Variants in DNAH11 observed in about 807,000 individuals in gnomAD.
DNAH11 encodes axonemal beta dynein heavy chain 11.
In DNAH11, 442 loss-of-function variants were observed where a neutral mutation model predicts 526.0. That is an observed-to-expected ratio of 0.84 (90% CI 0.78 to 0.91). The LOEUF (loss-of-function observed/expected upper bound fraction) is 0.91. DNAH11 is among the 40% of genes least tolerant of loss of function. The pLI is 0.00. For synonymous variants in DNAH11, 2,461 were observed against 1,935.9 expected (o/e 1.27, Z -7.12); for missense variants, 6,989 against 5,448.7 (o/e 1.28, Z -8.90).
At chr7:21,801,035 G>A in intron 61 of DNAH11, 102 bp from the exon 62 acceptor site, 1 of 1,210,444 alleles carries the variant, frequency 8.3e-7, no homozygotes, top group Non-Finnish European at 1.2e-6. Context: ...ATGGGGGGAA[G>A]AGGTTTGTCC....
At position 21,733,267 on chromosome 7, in the gene DNAH11, A is replaced by C. The variant is rs199521042; in HGVS notation, c.7441-2373A>C. On this transcript the variant is annotated intron_variant, in intron 45 of 81. Transcript: ENST00000409508. ...GCTGGGTATGGTGGCAGGCGCCTGTAATTTCAGCTACTTGGGAGGCTGAAG... is the reference window on the plus strand; with the variant it reads ...GCTGGGTATGGTGGCAGGCGCCTGTCATTTCAGCTACTTGGGAGGCTGAAG... Among the ~76,000 whole-genome samples, 4 of 152,326 alleles carry C rather than the reference A, an allele frequency of 2.6e-5. No homozygotes were observed. The East Asian group carries it at 7.7e-4, about 29-fold the overall frequency.
chr7:21,779,141 A>G (rs751528807), intron 57 of DNAH11, 37 bp downstream of exon 57: 12 of 1,582,072 alleles, frequency 7.6e-6, no homozygotes, highest in Admixed American at 3.4e-5. Flanking sequence ...GCGGAGCTAT[A>G]TTTAGCACAA....
intron 44 of DNAH11, among the ~76,000 whole-genome samples, chr7:21,721,216 C>T (rs1031443535): frequency 6.6e-6 from 1 of 152,198 alleles, no homozygotes; most frequent in Non-Finnish European, 1.5e-5. Flanking sequence ...GCTCTTCCTT[C>T]TTTTCTTTTG....
chr7:21,558,112 T>C (rs1234948590), intron 2 of DNAH11, among the ~76,000 whole-genome samples: 6 of 152,180 alleles, frequency 3.9e-5, no homozygotes, highest in African/African-American at 1.2e-4. Context: ...AAAATGTTTA[T>C]AAACTGGACA....
intron 57 of DNAH11, among the ~76,000 whole-genome samples, chr7:21,783,464 G>A (rs1183483702): frequency 3.3e-5 from 5 of 152,084 alleles, no homozygotes; most frequent in Non-Finnish European, 7.4e-5. Flanking sequence ...ATATACTTTT[G>A]TTCACACTTT....
chr7:21,632,341 G>A (rs1000523510), intron 25 of DNAH11, among the ~76,000 whole-genome samples: 2 of 152,228 alleles, frequency 1.3e-5, no homozygotes, highest in Admixed American at 1.3e-4. Context: ...TCAGCTCCTG[G>A]TTACTTTTGC....
At chr7:21,635,472 A>C (rs547527902) in intron 25 of DNAH11, among the ~76,000 whole-genome samples, 6 of 152,076 alleles carry the variant, frequency 3.9e-5, no homozygotes, top group African/African-American at 1.4e-4. Flanking sequence ...TTTAAGATTA[A>C]TAAACACATA....
At chr7:21,801,630 T>C (rs1466577801) in intron 62 of DNAH11, among the ~76,000 whole-genome samples, 1 of 152,222 alleles carries the variant, frequency 6.6e-6, no homozygotes, top group Non-Finnish European at 1.5e-5. Flanking sequence ...CCTTTCTTTC[T>C]TACCACATTG....
At chr7:21,834,816 G>A (rs1180743199) in intron 65 of DNAH11, among the ~76,000 whole-genome samples, 1 of 152,108 alleles carries the variant, frequency 6.6e-6, no homozygotes, top group East Asian at 1.9e-4. Context: ...CTGCATACCA[G>A]TCTAGCACTC....
At chr7:21,640,579 C>T (rs1787082580) in intron 28 of DNAH11, among the ~76,000 whole-genome samples, 1 of 151,904 alleles carries the variant, frequency 6.6e-6, no homozygotes, top group South Asian at 2.1e-4. Flanking sequence ...AATATTAATT[C>T]CATGGGATAA....
intron 73 of DNAH11, 63 bp downstream of exon 73, chr7:21,869,054 G>A (rs1562594381): frequency 6.2e-7 from 1 of 1,603,582 alleles, no homozygotes; most frequent in Non-Finnish European, 8.5e-7. Context: ...GGGCAGAGCT[G>A]GCCCGCCCAA....
chr7:21,566,665 A>G (rs991694907), intron 6 of DNAH11, among the ~76,000 whole-genome samples: 1 of 151,968 alleles, frequency 6.6e-6, no homozygotes, highest in African/African-American at 2.4e-5. Context: ...GCAAGTCAGT[A>G]ATAGAGTTCT....
chr7:21,553,654 C>T (rs144797244), intron 2 of DNAH11, among the ~76,000 whole-genome samples: 358 of 152,320 alleles, frequency 2.4e-3, no homozygotes, highest in Middle Eastern at 6.8e-3. Context: ...CCTGGCTTTA[C>T]ATACTTGTAA....
rs375591444 is a variant in DNAH11 at position 21,573,175 on chromosome 7, G to T, written c.1593+1202G>T. 1.2e-3 allele frequency among the ~76,000 whole-genome samples: 184 copies of T among 152,302 alleles called. 2 individuals are homozygous for T. In the Middle Eastern group the frequency reaches 0.037, roughly 31 times the overall value. ...ACGTCACTACCTTGGCCATGCCAAA[G>T]GTCCTGATTTTACTCCTGTCTCTGC... On this transcript the variant is annotated intron_variant, in intron 8 of 81. Transcript: ENST00000409508.
chr7:21,613,960 A>G (rs1785649649), intron 20 of DNAH11, among the ~76,000 whole-genome samples: 1 of 138,624 alleles, frequency 7.2e-6, no homozygotes, highest in Admixed American at 7.4e-5. Context: ...CACTTTTAAT[A>G]GAGATGAGGT....
intron 8 of DNAH11, among the ~76,000 whole-genome samples, chr7:21,579,723 G>A (rs112814941): frequency 5.6e-4 from 86 of 152,290 alleles, no homozygotes; most frequent in African/African-American, 1.4e-3. Context: ...TGACAATTCC[G>A]AATTAAGATT....
Position 21,899,526 on chromosome 7 carries a change from A to G in DNAH11, c.13162+78A>G, listed in dbSNP as rs571401289. The G allele has an allele frequency of 1.2e-5, 14 of 1,150,340 alleles. No individual in the cohort carries two copies. In the South Asian group the frequency reaches 2.0e-4, roughly 16 times the overall value. The allele number at this position is 1,150,340 out of a possible 1,614,324, so 71.3% of individuals were successfully genotyped here. A position where few individuals can be genotyped will look rare whatever the true frequency, so the allele number is the denominator to read the frequency against. On this transcript the variant is annotated intron_variant, in intron 80 of 81. Coordinates refer to ENST00000409508, the MANE Select transcript of DNAH11 (RefSeq NM_001277115.2). The stretch of plus-strand genomic sequence containing the variant: ...AGAAGCCCTGCTTTGTTTACCTATG[A>G]TGGCGTCTCCTTGCCCTGCTCACCA...
intron 65 of DNAH11, among the ~76,000 whole-genome samples, chr7:21,830,870 T>C (rs1790521933): frequency 6.6e-6 from 1 of 152,206 alleles, no homozygotes; most frequent in South Asian, 2.1e-4. Context: ...ATATGGTATT[T>C]GTACTCAGAA....
At position 21,690,591 on chromosome 7, in the gene DNAH11, A is replaced by G. The variant is rs2965397; in HGVS notation, c.5925-174A>G. ...CTCCAGGAAAAGGGAGGGTATTTTT[A>G]ATAAATATGCTTCAAAACATATTCA... On this transcript the variant is annotated intron_variant, in intron 34 of 81. Coordinates refer to ENST00000409508, the MANE Select transcript of DNAH11 (RefSeq NM_001277115.2). 0.21 allele frequency among the ~76,000 whole-genome samples: 31,925 copies of G among 152,192 alleles called. 5,156 individuals are homozygous for G. Among genetic ancestry groups the G allele is most frequent in the African/African-American group, 0.45 (18,593 of 41,462 alleles).
Sources: allele counts gnomAD v4.1 joint callset (sites outside exome capture counted in the v4.1 genomes callset), GRCh38; gene constraint gnomAD v4.1.1; transcripts MANE v1.5; gene names NCBI Gene and HGNC (gene_info 2026-07-23, HGNC 2026-07-21).